The following ATE1 variants were observed in gnomAD, a reference collection of about 807,000 sequenced individuals.
The protein encoded by ATE1 is arginyl-tRNA--protein transferase 1.
ATE1 carries 36 observed loss-of-function variants against 70.5 expected under a neutral mutation model. That is an observed-to-expected ratio of 0.51 (90% CI 0.39 to 0.67). The LOEUF (loss-of-function observed/expected upper bound fraction) is 0.67. Ranked by LOEUF, ATE1 falls within the 30% of genes least tolerant of loss-of-function variation. The pLI, the probability that ATE1 is intolerant of heterozygous loss-of-function variation, is 0.00. For synonymous variants in ATE1, 232 were observed against 219.3 expected (o/e 1.06, Z -0.51); for missense variants, 593 against 629.5 (o/e 0.94, Z 0.62).
chr10:121,860,777 C>T (rs1283686167), intron 8 of ATE1, among the ~76,000 whole-genome samples: 1 of 152,080 alleles, frequency 6.6e-6, no homozygotes, highest in Non-Finnish European at 1.5e-5. Context: ...TTTAGTGAGG[C>T]ACTGTCAAAA....
At position 121,841,101 on chromosome 10, in the gene ATE1, C is replaced by A; in HGVS notation, c.1138G>T (p.Gly380Cys). 1 of 1,565,426 alleles carries A rather than the reference C, an allele frequency of 6.4e-7. No individual in the cohort carries two copies. The highest frequency in any genetic ancestry group is 8.7e-7 in the Non-Finnish European group (1 of 1,150,924). ...YDPDYSFLSL[G>C]VYSALREIAF... is the part of the protein sequence containing the mutation. ...TCTTACCGTAGTGCAGAGTAGACGC[C>A]CAAAGACAAAAACGAATAATCAGGA... The change falls in exon 9 of 12, where the codon GGC (glycine) becomes TGC (cysteine). Residue 380 changes from glycine to cysteine, a missense_variant. By Grantham distance (159) the Gly-to-Cys change is radical (BLOSUM62 -3). This residue lies in a region of ATE1 where 467 missense variants were observed against 469.6 expected (regional missense o/e 0.99). Coordinates refer to ENST00000224652, the MANE Select transcript of ATE1 (RefSeq NM_001001976.3).
At chr10:121,811,951 C>CTTTT (rs71022870) in intron 10 of ATE1, among the ~76,000 whole-genome samples, 51 of 74,730 alleles carry the variant, frequency 6.8e-4, no homozygotes, top group East Asian at 5.5e-3. Context: ...ATTCCAAATT[C>CTTTT]TTTTTTTTTT....
intron 4 of ATE1, among the ~76,000 whole-genome samples, chr10:121,912,856 C>T (rs79360006): frequency 0.13 from 19,831 of 150,802 alleles, 1,494 homozygotes; most frequent in East Asian, 0.18. Flanking sequence ...GTGCCTCAGC[C>T]TCCGAGTAGC....
At chr10:121,914,989 C>A (rs962898341) in intron 3 of ATE1, among the ~76,000 whole-genome samples, 1 of 152,146 alleles carries the variant, frequency 6.6e-6, no homozygotes, top group Non-Finnish European at 1.5e-5. Context: ...ACCCAAGACC[C>A]ACAGTAAACC....
chr10:121,914,785 A>G (rs892950212), intron 3 of ATE1, among the ~76,000 whole-genome samples: 4 of 152,210 alleles, frequency 2.6e-5, no homozygotes, highest in African/African-American at 9.6e-5. Flanking sequence ...AGCTGAAAGC[A>G]GCGGTACTAC....
chr10:121,786,664 A>T (rs1179906589), intron 11 of ATE1, among the ~76,000 whole-genome samples: 4 of 152,072 alleles, frequency 2.6e-5, no homozygotes, highest in African/African-American at 9.7e-5. Context: ...TCTTTATTAG[A>T]CACTGGGCAT....
intron 10 of ATE1, among the ~76,000 whole-genome samples, chr10:121,818,731 A>G (rs1211165950): frequency 6.6e-6 from 1 of 152,220 alleles, no homozygotes; most frequent in African/African-American, 2.4e-5. Flanking sequence ...CTACTTACAG[A>G]ATTTGTTTAA....
At chr10:121,927,820 C>G (rs1259092555) in intron 1 of ATE1, 24 bp downstream of exon 1, 1 of 1,541,614 alleles carries the variant, frequency 6.5e-7, no homozygotes. Flanking sequence ...CGGCTTCCCA[C>G]GCCCGCCGGC....
intron 10 of ATE1, among the ~76,000 whole-genome samples, chr10:121,825,796 G>T (rs143681123): frequency 1.2e-3 from 176 of 152,242 alleles, no homozygotes; most frequent in African/African-American, 3.9e-3. Context: ...ATTAAAAATA[G>T]AATTACCTTT....
chr10:121,877,895 G>A (rs1412048780), intron 7 of ATE1, among the ~76,000 whole-genome samples: 1 of 152,162 alleles, frequency 6.6e-6, no homozygotes, highest in East Asian at 1.9e-4. Context: ...ATATATCTAA[G>A]AGAAATTAGT....
At chr10:121,776,462 C>T (rs1390907218) in intron 11 of ATE1, among the ~76,000 whole-genome samples, 3 of 152,172 alleles carry the variant, frequency 2.0e-5, no homozygotes, top group Non-Finnish European at 4.4e-5. Flanking sequence ...CTGACCAATA[C>T]ATATTAATCA....
intron 11 of ATE1, among the ~76,000 whole-genome samples, chr10:121,770,467 A>G (rs1255993992): frequency 6.6e-6 from 1 of 152,236 alleles, no homozygotes; most frequent in African/African-American, 2.4e-5. Context: ...TATAAACAAA[A>G]GCAAAACTAT....
At chr10:121,790,989 C>A (rs1590308735) in intron 10 of ATE1, among the ~76,000 whole-genome samples, 1 of 146,472 alleles carries the variant, frequency 6.8e-6, no homozygotes. Flanking sequence ...TGTGTGTATA[C>A]ATACATATAT....
In ATE1 at chr10:121,894,825, C is replaced by T. The variant is rs537371650; in HGVS notation, c.942+5041G>A. On this transcript the variant is annotated intron_variant, in intron 7 of 11. Transcript: ENST00000224652. ...CTGAGGCAGGAGAATGGCCCGAACC[C>T]GAGAGGCGGAGCTTGCAGTGAGCCG... Among the ~76,000 whole-genome samples the T allele has an allele frequency of 4.5e-3, 689 of 152,038 alleles. 3 individuals carry two copies. Among genetic ancestry groups the T allele is most frequent in the African/African-American group, 0.012 (491 of 41,454 alleles).
intron 10 of ATE1, among the ~76,000 whole-genome samples, chr10:121,794,212 ATATTT>A (rs1446611045): frequency 4.6e-5 from 7 of 152,170 alleles, no homozygotes; most frequent in Admixed American, 1.3e-4. Flanking sequence ...GCTTTATATT[ATATTT>A]TAACATCTTG....
At chr10:121,928,237 G>A (rs1590755071), upstream of ATE1, 14 of 1,391,118 alleles carry the variant, frequency 1.0e-5, no homozygotes, top group African/African-American at 1.5e-5. Context: ...GATGGGGAGA[G>A]TCAAGAGGGG....
chr10:121,925,928 A>C (rs1266369653), intron 1 of ATE1, among the ~76,000 whole-genome samples: 1 of 151,666 alleles, frequency 6.6e-6, no homozygotes, highest in East Asian at 1.9e-4. Context: ...GAAATGGGCC[A>C]GGTGCAGTGG....
intron 10 of ATE1, among the ~76,000 whole-genome samples, chr10:121,829,217 G>C (rs190133836): frequency 1.3e-5 from 2 of 152,264 alleles, no homozygotes; most frequent in Non-Finnish European, 2.9e-5. Context: ...AAGGTCAAGA[G>C]ATCGAGACCA....
chr10:121,841,400 C>T (rs1948624492), intron 8 of ATE1, 137 bp from the exon 9 acceptor site: 3 of 560,114 alleles, frequency 5.4e-6, no homozygotes, highest in Non-Finnish European at 8.0e-6. Context: ...CTAGTCACAC[C>T]CTATATTAAG....
Sources: gnomAD v4.1 joint callset for allele counts (sites outside exome capture counted in the v4.1 genomes callset) on GRCh38, gnomAD v4.1.1 for gene constraint, gnomAD v4.1.1 regional missense constraint, MANE v1.5 for transcripts, NCBI Gene and HGNC (gene_info 2026-07-23, HGNC 2026-07-21) for gene names.